INO80: variants seen among roughly 807,000 people sequenced by gnomAD.
INO80 encodes INO80 complex ATPase subunit, also known as chromatin-remodeling ATPase INO80.
Under a neutral mutation model 203.4 loss-of-function variants are expected in INO80, and 20 were observed. That is an observed-to-expected ratio of 0.10 (90% CI 0.07 to 0.14). The LOEUF is 0.14. Ranked by LOEUF, INO80 falls within the 10% of genes least tolerant of loss-of-function variation. The pLI is 1.00. For synonymous variants in INO80, 726 were observed against 685.2 expected, an observed-to-expected ratio of 1.06 and a Z score of -0.93; for missense variants, 1,419 against 1,914.4, an observed-to-expected ratio of 0.74 and a Z score of 4.83.
intron 14 of INO80, among the ~76,000 whole-genome samples, chr15:41,068,810 A>G (rs1038451051): frequency 2.0e-5 from 3 of 152,174 alleles, no homozygotes; most frequent in Non-Finnish European, 4.4e-5. Flanking sequence ...CAGTGAGCCG[A>G]GATTGTGCCA....
chr15:41,110,376 G>A (rs1046638104), intron 1 of INO80, among the ~76,000 whole-genome samples: 21 of 151,650 alleles, frequency 1.4e-4, no homozygotes, highest in Admixed American at 3.9e-4. Context: ...ATCTCTTGAC[G>A]TCATGATCCA....
At position 41,006,601 on chromosome 15, in the gene INO80, T is replaced by C. The variant is rs1032559200; in HGVS notation, c.3403-914A>G. Among the ~76,000 whole-genome samples the C allele has an allele frequency of 2.0e-3, 298 of 152,342 alleles. 2 individuals carry two copies. The highest frequency in any genetic ancestry group is 1.0e-3 in the Non-Finnish European group (71 of 68,032). ...TATTTTCATATGTAACTCTTATACT[T>C]GGTGGGGCATTTTAGCACATCAGGT... is the stretch of plus-strand genomic sequence containing the variant. On this transcript the variant is annotated intron_variant, in intron 27 of 35. Coordinates refer to ENST00000648947, the MANE Select transcript of INO80 (RefSeq NM_017553.3).
chr15:40,983,325 T>G, intron 34 of INO80: 1 of 494,918 alleles, frequency 2.0e-6, no homozygotes, highest in Admixed American at 3.6e-5. Flanking sequence ...GTTACATTAC[T>G]CCTGAGTTTC....
intron 1 of INO80, among the ~76,000 whole-genome samples, chr15:41,104,073 T>C (rs1028753865): frequency 6.6e-6 from 1 of 151,446 alleles, no homozygotes; most frequent in African/African-American, 2.4e-5. Context: ...ACAACAAAGT[T>C]AGTCAGGTGT....
chr15:41,107,361 C>A (rs1243338679), intron 1 of INO80, among the ~76,000 whole-genome samples: 1 of 151,910 alleles, frequency 6.6e-6, no homozygotes, highest in Admixed American at 6.6e-5. Context: ...ATTAGCCAGG[C>A]ATTGTGGCAC....
chr15:41,042,856 T>C (rs1435819028), intron 24 of INO80, among the ~76,000 whole-genome samples: 1 of 152,174 alleles, frequency 6.6e-6, no homozygotes, highest in African/African-American at 2.4e-5. Flanking sequence ...CATACATATG[T>C]TGGAGATAAG....
At position 40,985,381 on chromosome 15, in the gene INO80, C is replaced by A; in HGVS notation, c.3878G>T (p.Arg1293Leu). Residue 1293 changes from arginine to leucine, a missense_variant, in exon 32 of 36, where the codon CGA becomes CTA. Physicochemically the swap from Arg to Leu is moderately radical, Grantham distance 102. Transcript: ENST00000648947. ...CCGCTTCCGCTTGCGCTCTTTCACTCGGTTGGTTTCCTCCTGTTGCCGTTT... is the reference window on the plus strand; with the variant it reads ...CCGCTTCCGCTTGCGCTCTTTCACTAGGTTGGTTTCCTCCTGTTGCCGTTT... Reference protein sequence around the residue: ...EEKRQQEETNRVKERKRKREK... With the variant: ...EEKRQQEETNLVKERKRKREK... 6.2e-7 allele frequency: 1 copy of A among 1,614,020 alleles called. No individual in the cohort carries two copies.
At chr15:41,022,588 A>G (rs1357542543) in intron 25 of INO80, among the ~76,000 whole-genome samples, 1 of 152,292 alleles carries the variant, frequency 6.6e-6, no homozygotes, top group Non-Finnish European at 1.5e-5. Flanking sequence ...GAGGGTACCA[A>G]CGTGACAGAA....
intron 12 of INO80, 147 bp from the exon 13 acceptor site, chr15:41,070,694 T>G: frequency 1.5e-6 from 1 of 659,534 alleles, no homozygotes; most frequent in Non-Finnish European, 2.7e-6. Context: ...CCCACTGCTA[T>G]AGTAATTGCT....
chr15:41,057,004 T>G (rs865854352), intron 16 of INO80, among the ~76,000 whole-genome samples: 11 of 152,356 alleles, frequency 7.2e-5, no homozygotes, highest in African/African-American at 2.6e-4. Flanking sequence ...TAGTCATTTT[T>G]GCTGACATAA....
intron 24 of INO80, among the ~76,000 whole-genome samples, chr15:41,031,555 A>AAGGGAGG (rs1566919044): frequency 0.013 from 8 of 608 alleles, 1 homozygote; most frequent in Admixed American, 0.12. Flanking sequence ...AGGAGGGAGG[A>AAGGGAGG]AGGGAGGAAG....
At chr15:41,012,116 A>G (rs1052984874) in intron 27 of INO80, among the ~76,000 whole-genome samples, 3 of 152,256 alleles carry the variant, frequency 2.0e-5, no homozygotes, top group African/African-American at 7.2e-5. Flanking sequence ...AGTCATCTGT[A>G]ATAAGTTAAA....
intron 1 of INO80, among the ~76,000 whole-genome samples, chr15:41,097,290 C>A (rs1436871485): frequency 1.3e-5 from 2 of 151,952 alleles, no homozygotes; most frequent in South Asian, 2.1e-4. Flanking sequence ...AAGCAATCCA[C>A]CCACCTTGGC....
intron 9 of INO80, among the ~76,000 whole-genome samples, chr15:41,079,075 GT>G (rs1270900710): frequency 2.0e-5 from 3 of 152,088 alleles, no homozygotes; most frequent in Non-Finnish European, 4.4e-5. Flanking sequence ...GGAGGCAAAG[GT>G]TGCAGAGCCG....
At chr15:41,053,068 C>T (rs117531531) in intron 19 of INO80, among the ~76,000 whole-genome samples, 2,420 of 151,968 alleles carry the variant, frequency 0.016, 21 homozygotes, top group Non-Finnish European at 0.025. Context: ...AGAGACAGAC[C>T]ATCCAAATGC....
At chr15:41,067,351 G>A (rs578065359) in intron 14 of INO80, among the ~76,000 whole-genome samples, 89 of 151,992 alleles carry the variant, frequency 5.9e-4, no homozygotes, top group Non-Finnish European at 1.1e-3. Context: ...TGAGATTACA[G>A]GCATGAGCCA....
At chr15:41,075,447 T>A (rs1315850858) in intron 9 of INO80, among the ~76,000 whole-genome samples, 1 of 149,940 alleles carries the variant, frequency 6.7e-6, no homozygotes, top group East Asian at 1.9e-4. Context: ...AATTTTTCTA[T>A]TTTTTTTTGG....
intron 14 of INO80, among the ~76,000 whole-genome samples, chr15:41,062,463 G>A (rs574824367): frequency 3.7e-4 from 57 of 152,278 alleles, no homozygotes; most frequent in Non-Finnish European, 7.2e-4. Flanking sequence ...TTAGCTGGGC[G>A]CAGAGGTTGC....
chr15:41,006,302 G>A (rs528341622), intron 27 of INO80, among the ~76,000 whole-genome samples: 54 of 152,292 alleles, frequency 3.5e-4, no homozygotes, highest in African/African-American at 1.3e-3. Context: ...TAGAGAGACT[G>A]CCTCTCCATT....
Sources: allele counts gnomAD v4.1 joint callset (sites outside exome capture counted in the v4.1 genomes callset), GRCh38; gene constraint gnomAD v4.1.1; transcripts MANE v1.5; gene names NCBI Gene and HGNC (gene_info 2026-07-23, HGNC 2026-07-21).